MINDY3: variants seen among roughly 807,000 people sequenced by gnomAD.
The protein encoded by MINDY3 is MINDY lysine 48 deubiquitinase 3.
In MINDY3, 38 loss-of-function variants were observed where a neutral mutation model predicts 69.2. That is an observed-to-expected ratio of 0.55 (90% CI 0.42 to 0.72). The LOEUF is 0.72. MINDY3 is among the 30% of genes least tolerant of loss of function. MINDY3 has a pLI of 0.00. For missense variants in MINDY3, 522 were observed against 519.0 expected (o/e 1.01, Z -0.06); for synonymous variants, 192 against 180.1 (o/e 1.07, Z -0.53).
rs759884045 is a variant in MINDY3, at chr10:15,789,329, A to T, written c.956-10T>A. Reference sequence around the variant, plus strand: ...GGTATGAATCCATTATCTAGGGGGGAAAAAATCAGAAACAACTTGAAATAA... The same window carrying T: ...GGTATGAATCCATTATCTAGGGGGGTAAAAATCAGAAACAACTTGAAATAA... On this transcript the variant is annotated splice_polypyrimidine_tract_variant and intron_variant, in intron 11 of 14. Transcript: ENST00000277632. The T allele has an allele frequency of 1.3e-5, 21 of 1,594,876 alleles. No homozygotes were observed. The African/African-American group carries it at 2.3e-4, about 18-fold the overall frequency.
intron 14 of MINDY3, among the ~76,000 whole-genome samples, chr10:15,779,779 C>T (rs10508494): frequency 1.3e-5 from 2 of 151,922 alleles, no homozygotes; most frequent in African/African-American, 2.4e-5. Context: ...GTAAAAGAGA[C>T]GTTGAAAGAT....
At chr10:15,812,421 T>C (rs371403797) in intron 10 of MINDY3, among the ~76,000 whole-genome samples, 2 of 152,312 alleles carry the variant, frequency 1.3e-5, no homozygotes, top group African/African-American at 2.4e-5. Context: ...CTTCTGATAT[T>C]TTACTCTATC....
At chr10:15,840,282 G>C (rs1833377177) in intron 4 of MINDY3, among the ~76,000 whole-genome samples, 1 of 151,586 alleles carries the variant, frequency 6.6e-6, no homozygotes, top group African/African-American at 2.4e-5. Context: ...TCCACTTGTT[G>C]TCTTCAAATG....
chr10:15,804,410 A>G (rs966650664), intron 10 of MINDY3, among the ~76,000 whole-genome samples: 5 of 152,196 alleles, frequency 3.3e-5, no homozygotes, highest in African/African-American at 1.2e-4. Flanking sequence ...CTACTGAAAT[A>G]TAAGGCCTGT....
At chr10:15,845,809 T>A (rs183626794) in intron 2 of MINDY3, among the ~76,000 whole-genome samples, 2 of 135,244 alleles carry the variant, frequency 1.5e-5, no homozygotes, top group African/African-American at 2.9e-5. Flanking sequence ...GCCTGGCCTA[T>A]GTGATTTTTT....
At chr10:15,796,313 T>C (rs1837825407) in intron 10 of MINDY3, 141 bp from the exon 11 acceptor site, 1 of 667,862 alleles carries the variant, frequency 1.5e-6, no homozygotes, top group Admixed American at 2.4e-5. Flanking sequence ...TGTAACGAGA[T>C]AGGTCATAAA....
At chr10:15,816,151 C>T (rs1014316940) in intron 10 of MINDY3, among the ~76,000 whole-genome samples, 4 of 150,918 alleles carry the variant, frequency 2.7e-5, no homozygotes, top group African/African-American at 4.9e-5. Flanking sequence ...GTCCCAGCTA[C>T]TCGGGAGGCT....
Position 15,779,011 on chromosome 10 carries a change from C to G in MINDY3, c.1319G>C (p.Arg440Pro). Residue 440 changes from arginine to proline, a missense_variant, in exon 15 of 15, where the codon CGC becomes CCC. By Grantham distance (103) the Arg-to-Pro change is moderately radical. Transcript: ENST00000277632. ...PYIELLWTTD[R>P]SPSLN ...GACAAATTAATTTAGTGAAGGAGAG[C>G]GATCTGTGGTCCAGAGTAACTCAAT... The G allele has an allele frequency of 6.2e-7, 1 of 1,612,816 alleles. No individual in the cohort carries two copies. The highest frequency in any genetic ancestry group is 8.5e-7 in the Non-Finnish European group (1 of 1,179,334).
intron 1 of MINDY3, 59 bp downstream of exon 1, chr10:15,860,147 C>A (rs926218529): frequency 1.2e-5 from 15 of 1,283,886 alleles, no homozygotes; most frequent in Middle Eastern, 2.3e-4. Flanking sequence ...GCGTCACAGG[C>A]GGACTCTCGC....
intron 6 of MINDY3, among the ~76,000 whole-genome samples, chr10:15,836,552 T>C (rs1833097996): frequency 1.3e-5 from 2 of 152,028 alleles, no homozygotes; most frequent in Non-Finnish European, 1.5e-5. Context: ...ATAGATCTAA[T>C]AGCATAGTCA....
At chr10:15,818,297 T>C (rs748778441) in intron 9 of MINDY3, among the ~76,000 whole-genome samples, 3 of 151,518 alleles carry the variant, frequency 2.0e-5, no homozygotes, top group Non-Finnish European at 2.9e-5. Context: ...AAAAAGTGTG[T>C]ATTTAAATTA....
chr10:15,821,908 T>G (rs1014496199), intron 8 of MINDY3, among the ~76,000 whole-genome samples, 182 bp from the exon 9 acceptor site: 1 of 148,136 alleles, frequency 6.8e-6, no homozygotes, highest in African/African-American at 2.6e-5. Flanking sequence ...TAAAATACCA[T>G]TAGATCAGGT....
At chr10:15,791,003 A>G (rs899158533) in intron 11 of MINDY3, among the ~76,000 whole-genome samples, 4 of 152,112 alleles carry the variant, frequency 2.6e-5, no homozygotes, top group African/African-American at 9.7e-5. Flanking sequence ...TCTTAACAAC[A>G]TGCTTATATA....
In MINDY3 at chr10:15,855,361, T is replaced by G. The variant is rs190707576; in HGVS notation, c.94+4845A>C. Among the ~76,000 whole-genome samples, 913 of 152,226 alleles carry G rather than the reference T, an allele frequency of 6.0e-3. 12 individuals carry two copies. Among genetic ancestry groups the G allele is most frequent in the African/African-American group, 0.021 (879 of 41,550 alleles). ...TTTTCATAATAAGGTTTTACTTAAGTTTGAATTTCTCAGGACACAGCATTA... is the reference window on the plus strand; with the variant it reads ...TTTTCATAATAAGGTTTTACTTAAGGTTGAATTTCTCAGGACACAGCATTA... On this transcript the variant is annotated intron_variant, in intron 1 of 14. Transcript: ENST00000277632.
intron 9 of MINDY3, among the ~76,000 whole-genome samples, chr10:15,818,430 C>T (rs575422289): frequency 6.2e-4 from 94 of 151,968 alleles, no homozygotes; most frequent in Middle Eastern, 3.4e-3. Flanking sequence ...AGTGTCATCA[C>T]TTTGGACAAC....
chr10:15,827,935 C>T (rs1588604695), intron 8 of MINDY3, among the ~76,000 whole-genome samples: 1 of 152,164 alleles, frequency 6.6e-6, no homozygotes, highest in East Asian at 1.9e-4. Context: ...TACGAACTCT[C>T]CTACACACTT....
At chr10:15,779,198 TGGAA>T in intron 14 of MINDY3, 57 bp from the exon 15 acceptor site, 2 of 1,518,308 alleles carry the variant, frequency 1.3e-6, no homozygotes. Flanking sequence ...AATTCTTATG[TGGAA>T]TGAAAACAAT....
chr10:15,787,827 A>C (rs1319343877), intron 12 of MINDY3, among the ~76,000 whole-genome samples: 2 of 152,116 alleles, frequency 1.3e-5, no homozygotes, highest in African/African-American at 4.8e-5. Context: ...GATGAAACAA[A>C]TGAAGGCAGG....
In MINDY3 at chr10:15,800,702, T is replaced by C. The variant is rs116957342; in HGVS notation, c.883-4530A>G. ...AAGTGGAATTGCTTGATATGCACCA[T>C]GGATTGAGGTCTGCTGCTGTGGTTG... On this transcript the variant is annotated intron_variant, in intron 10 of 14. Transcript: ENST00000277632. Among the ~76,000 whole-genome samples, 178 of 152,220 alleles carry C rather than the reference T, an allele frequency of 1.2e-3. 4 individuals carry two copies. The East Asian group carries it at 0.028, about 24-fold the overall frequency.
Sources: allele counts gnomAD v4.1 joint callset (sites outside exome capture counted in the v4.1 genomes callset), GRCh38; gene constraint gnomAD v4.1.1; transcripts MANE v1.5; gene names NCBI Gene and HGNC (gene_info 2026-07-23, HGNC 2026-07-21).